USP39: variants seen among roughly 807,000 people sequenced by gnomAD.
USP39 encodes the protein ubiquitin carboxyl-terminal hydrolase 39.
USP39 carries 38 observed loss-of-function variants against 66.4 expected under a neutral mutation model. The ratio of observed to expected loss-of-function variants is 0.57; its 90% CI spans 0.44 to 0.75. USP39 has a LOEUF of 0.75. Among genes scored for constraint, USP39 ranks in the 30% least tolerant of loss-of-function variants. The pLI, the probability that USP39 is intolerant of heterozygous loss-of-function variation, is 0.00. For synonymous variants in USP39, 303 were observed against 274.6 expected (o/e 1.10, Z -1.02); for missense variants, 608 against 714.4 (o/e 0.85, Z 1.70).
chr2:85,648,889 G>C lies in USP39; in HGVS notation c.*81G>C. On this transcript the variant is annotated 3_prime_UTR_variant, in exon 13 of 13. Transcript: ENST00000323701. ...ACACAGAAGCTGTAGCTGAACACAGGCTGGCTGGTGGGCTTCCTAGGCCAG... is the reference window on the plus strand; with the variant it reads ...ACACAGAAGCTGTAGCTGAACACAGCCTGGCTGGTGGGCTTCCTAGGCCAG... 1 of 1,571,360 alleles carries C rather than the reference G, an allele frequency of 6.4e-7. No individual in the cohort carries two copies. Among genetic ancestry groups the C allele is most frequent in the South Asian group, 1.1e-5 (1 of 89,732 alleles).
chr2:85,639,143 T>C, intron 8 of USP39, 60 bp from the exon 9 acceptor site: 1 of 1,494,804 alleles, frequency 6.7e-7, no homozygotes, highest in Non-Finnish European at 9.0e-7. Context: ...ACATCGGTTC[T>C]GTGTTGGTTC....
chr2:85,628,677 C>G (rs758009751), intron 5 of USP39, among the ~76,000 whole-genome samples: 17 of 152,152 alleles, frequency 1.1e-4, no homozygotes, highest in Non-Finnish European at 4.4e-5. Context: ...TATATTGTTG[C>G]TGAGGCCAGA....
At chr2:85,611,987 G>A (rs1673579007), upstream of USP39, 1 of 1,527,290 alleles carries the variant, frequency 6.5e-7, no homozygotes, top group East Asian at 2.4e-5. Flanking sequence ...GCCTCCATCA[G>A]GAGCCGGGGA....
At chr2:85,633,099 T>C (rs185163986) in intron 6 of USP39, among the ~76,000 whole-genome samples, 2 of 152,066 alleles carry the variant, frequency 1.3e-5, no homozygotes, top group Non-Finnish European at 2.9e-5. Context: ...GATTATATCC[T>C]GAAAAAAGCT....
upstream of USP39, chr2:85,612,333 C>T (rs1392267930): frequency 6.5e-7 from 1 of 1,536,118 alleles, no homozygotes; most frequent in South Asian, 1.2e-5. Context: ...TCGATGCTTA[C>T]GGCGGTGCCT....
chr2:85,636,194 G>T (rs972085486), intron 7 of USP39, 64 bp downstream of exon 7: 7 of 1,479,494 alleles, frequency 4.7e-6, no homozygotes, highest in Non-Finnish European at 6.6e-6. Flanking sequence ...GCGGTCGGTC[G>T]CAATGGCTCA....
chr2:85,648,121 AG>A (rs1300039068), intron 12 of USP39, 105 bp downstream of exon 12: 1 of 1,188,012 alleles, frequency 8.4e-7, no homozygotes, highest in African/African-American at 1.5e-5. Context: ...CCTTGGTTGG[AG>A]GGCCAGGTAC....
chr2:85,637,434 C>G lies in USP39; in HGVS notation c.1093C>G (p.Leu365Val). ...CACTAAAAAGCTTCCCCATCCTGAT[C>G]TGGTGAGTTAATTGAGCCTGGGTCT... ...IFTKKLPHPD[L>V]PAEEKEQLLH... Residue 365 changes from leucine to valine, a missense_variant and splice_region_variant, in exon 8 of 13, where the codon CTG becomes GTG. Leu to Val is a conservative substitution (Grantham distance 32, BLOSUM62 1). Coordinates refer to ENST00000323701, the MANE Select transcript of USP39 (RefSeq NM_006590.4). The G allele has an allele frequency of 6.2e-7, 1 of 1,614,120 alleles. No individual in the cohort carries two copies.
intron 1 of USP39, 40 bp downstream of exon 1, chr2:85,616,503 T>G: frequency 7.1e-7 from 1 of 1,411,366 alleles, no homozygotes. Flanking sequence ...AGAGCCTGTT[T>G]TTTTCGCGTC....
intron 3 of USP39, 48 bp from the exon 4 acceptor site, chr2:85,623,598 T>C (rs776129059): frequency 6.4e-7 from 1 of 1,566,392 alleles, no homozygotes; most frequent in East Asian, 2.4e-5. Flanking sequence ...CTGATCTGTG[T>C]GTTCTAGTAT....
chr2:85,614,384 G>A (rs1460039041), upstream of USP39, among the ~76,000 whole-genome samples: 1 of 152,030 alleles, frequency 6.6e-6, no homozygotes, highest in Non-Finnish European at 1.5e-5. Context: ...CATGGTGGCA[G>A]GTGCATGTAA....
At chr2:85,612,951 G>A (rs1376252891), upstream of USP39, among the ~76,000 whole-genome samples, 5 of 144,266 alleles carry the variant, frequency 3.5e-5, no homozygotes, top group Admixed American at 6.8e-5. Flanking sequence ...ATGAGCCACC[G>A]TGCCCGGCCC....
intron 1 of USP39, among the ~76,000 whole-genome samples, chr2:85,616,818 C>G (rs1462935313): frequency 6.6e-6 from 1 of 151,566 alleles, no homozygotes; most frequent in Non-Finnish European, 1.5e-5. Context: ...GCTGGGATTA[C>G]AGGCGCCCAC....
At chr2:85,603,799 T>C (rs1035846376) in intron 1 of USP39, among the ~76,000 whole-genome samples, 5 of 152,114 alleles carry the variant, frequency 3.3e-5, no homozygotes, top group African/African-American at 1.2e-4. Flanking sequence ...TTCACCATGT[T>C]AGCCAGGATG....
chr2:85,616,226 G>A lies in USP39; in HGVS notation c.31G>A (p.Gly11Ser), dbSNP rs755706376. Residue 11 changes from glycine to serine, a missense_variant, in exon 1 of 13, where the codon GGT becomes AGT. By Grantham distance (56) the Gly-to-Ser change is moderately conservative. Transcript: ENST00000323701. ...CGGCCGGTCTAAGCGGGAGTCTCGC[G>A]GTTCCACTCGCGGGAAGCGAGAGTC... MSGRSKRESRGSTRGKRESES... is the reference protein window; with the variant it reads MSGRSKRESRSSTRGKRESES... 59 of 1,484,966 alleles carry A rather than the reference G, an allele frequency of 4.0e-5. No individual in the cohort carries two copies. In the Admixed American group the frequency reaches 6.5e-4, roughly 16 times the overall value. The allele number at this position is 1,484,966 out of a possible 1,614,324, so 92.0% of individuals were successfully genotyped here.
chr2:85,637,170 ATAAAG>A (rs1176721351), intron 7 of USP39, among the ~76,000 whole-genome samples, 194 bp from the exon 8 acceptor site: 2 of 152,222 alleles, frequency 1.3e-5, no homozygotes, highest in African/African-American at 4.8e-5. Flanking sequence ...CTTAAGAGAA[ATAAAG>A]TAATTATTTA....
At chr2:85,604,310 A>G (rs1195642913) in intron 1 of USP39, among the ~76,000 whole-genome samples, 6 of 152,090 alleles carry the variant, frequency 3.9e-5, no homozygotes, top group Non-Finnish European at 7.4e-5. Context: ...CCTGTGTTCA[A>G]GTGATTCTTG....
intron 6 of USP39, among the ~76,000 whole-genome samples, chr2:85,635,724 A>C (rs1675716190): frequency 6.6e-6 from 1 of 152,176 alleles, no homozygotes; most frequent in Non-Finnish European, 1.5e-5. Context: ...CATGAGCTGC[A>C]GAAGGGAAGA....
At chr2:85,634,606 A>C (rs1675619185) in intron 6 of USP39, among the ~76,000 whole-genome samples, 1 of 152,136 alleles carries the variant, frequency 6.6e-6, no homozygotes, top group African/African-American at 2.4e-5. Context: ...TCACCCTTCT[A>C]AACAGGTGAC....
Sources: gnomAD v4.1 joint callset for allele counts (sites outside exome capture counted in the v4.1 genomes callset) on GRCh38, gnomAD v4.1.1 for gene constraint, MANE v1.5 for transcripts, NCBI Gene and HGNC (gene_info 2026-07-23, HGNC 2026-07-21) for gene names.